Variants in NKTR observed in about 807,000 individuals in gnomAD.
NKTR encodes the protein natural killer cell triggering receptor.
A neutral mutation model predicts 156.3 loss-of-function variants in NKTR; 67 were observed. The observed-to-expected ratio is 0.43, with a 90% CI of 0.35 to 0.53. NKTR has a LOEUF of 0.53. Among genes scored for constraint, NKTR ranks in the 20% least tolerant of loss-of-function variants. NKTR has a pLI of 0.01. For missense variants in NKTR, 1,604 were observed against 1,730.9 expected, an observed-to-expected ratio of 0.93 and a Z score of 1.30; for synonymous variants, 640 against 596.6, an observed-to-expected ratio of 1.07 and a Z score of -1.06.
intron 2 of NKTR, chr3:42,602,659 C>A (rs140136843): frequency 7.0e-6 from 1 of 143,412 alleles, no homozygotes; most frequent in Admixed American, 7.1e-5. Context: ...ATAAGTGTTA[C>A]TAGAAAGCCT....
intron 8 of NKTR, among the ~76,000 whole-genome samples, chr3:42,631,524 AT>A (rs1708897184): frequency 1.3e-5 from 2 of 152,084 alleles, no homozygotes; most frequent in Non-Finnish European, 2.9e-5. Context: ...CACCACCAGT[AT>A]TTTGTGTCTG....
At position 42,638,424 on chromosome 3, in the gene NKTR, C is replaced by G. The variant is rs776273595; in HGVS notation, c.2720C>G (p.Ser907Cys). ...KNSKNDSHPS[S>C]DKEEGEATSD... The stretch of plus-strand genomic sequence containing the variant: ...AGTAAAAATGACTCCCATCCATCCT[C>G]TGACAAGGAAGAAGGTGAGGCCACA... The change falls in exon 13 of 17, where the codon TCT becomes TGT. Residue 907 changes from serine (S) to cysteine (C), a missense_variant. Physicochemically the swap from Ser to Cys is moderately radical, Grantham distance 112 (BLOSUM62 -1). Around this residue, in one of 6 missense-constraint regions of NKTR, gnomAD observed 1,255 missense variants for 1,243.7 expected, o/e 1.01. Coordinates refer to ENST00000232978, the MANE Select transcript of NKTR (RefSeq NM_005385.4). 4 of 1,613,614 alleles carry G rather than the reference C, an allele frequency of 2.5e-6. No homozygotes were observed. Among genetic ancestry groups the G allele is most frequent in the Non-Finnish European group, 2.5e-6 (3 of 1,179,840 alleles).
At position 42,646,681 on chromosome 3, in the gene NKTR, G is replaced by C. The variant is rs756604675; in HGVS notation, c.*706G>C. On this transcript the variant is annotated 3_prime_UTR_variant, in exon 17 of 17. Coordinates refer to ENST00000232978, the MANE Select transcript of NKTR (RefSeq NM_005385.4). ...TTTTATGTTCTTTTTAATCAATACC[G>C]ATCAGAAGTTTAGGTTATAAAAACA... 1 of 152,526 alleles carries C rather than the reference G, an allele frequency of 6.6e-6. No individual in the cohort carries two copies. Among genetic ancestry groups the C allele is most frequent in the African/African-American group, 2.4e-5 (1 of 41,404 alleles). 9.4% of individuals were successfully genotyped at this position (152,526 alleles called of 1,614,324 possible).
At chr3:42,623,772 C>T (rs1282676635) in intron 6 of NKTR, 1 of 152,060 alleles carries the variant, frequency 6.6e-6, no homozygotes, top group East Asian at 1.9e-4. Context: ...ACCTTGTTAC[C>T]ACAGCTCCTC....
In NKTR at chr3:42,638,872, A is replaced by G. The variant is rs1709649703; in HGVS notation, c.3168A>G (p.Leu1056=). 1 of 1,607,918 alleles carries G rather than the reference A, an allele frequency of 6.2e-7. No individual in the cohort carries two copies. Among genetic ancestry groups the G allele is most frequent in the Non-Finnish European group, 8.5e-7 (1 of 1,178,262 alleles). Residue 1056 remains leucine (L), a synonymous_variant, in exon 13 of 17, where the codon CTA becomes CTG. Coordinates refer to ENST00000232978, the MANE Select transcript of NKTR (RefSeq NM_005385.4). ...ENNETIKDNI[L]KTEKSSEEDL... ...ATGAAACCATAAAAGATAATATTCT[A>G]AAAACTGAGAAATCCAGTGAAGAGG...
chr3:42,608,940 A>G (rs1191410971), intron 2 of NKTR, among the ~76,000 whole-genome samples: 2 of 152,156 alleles, frequency 1.3e-5, no homozygotes, highest in African/African-American at 4.8e-5. Context: ...AGCCTGGCCA[A>G]CGTGGTGAAA....
intron 3 of NKTR, among the ~76,000 whole-genome samples, chr3:42,618,249 G>T (rs1340554149): frequency 6.6e-6 from 1 of 151,232 alleles, no homozygotes; most frequent in African/African-American, 2.4e-5. Context: ...TACTCAGGAG[G>T]CTGAGGCAAG....
intron 5 of NKTR, chr3:42,621,146 T>C: frequency 9.9e-7 from 1 of 1,012,888 alleles, no homozygotes; most frequent in Non-Finnish European, 1.2e-6. Flanking sequence ...AATTTAAATA[T>C]CATTTAGCCA....
At chr3:42,636,842 G>A (rs773444553) in intron 12 of NKTR, 26 bp from the exon 13 acceptor site, 28 of 1,526,572 alleles carry the variant, frequency 1.8e-5, no homozygotes, top group Admixed American at 2.3e-5. Context: ...ATAAATCACC[G>A]CATGAATATT....
intron 11 of NKTR, 176 bp downstream of exon 11, chr3:42,634,876 A>G: frequency 1.9e-6 from 1 of 527,910 alleles, no homozygotes; most frequent in South Asian, 3.0e-5. Context: ...CTGTGTTTGA[A>G]TGGGTTTAAT....
At chr3:42,614,091 A>C (rs1198909158) in intron 2 of NKTR, among the ~76,000 whole-genome samples, 2 of 152,200 alleles carry the variant, frequency 1.3e-5, no homozygotes, top group African/African-American at 2.4e-5. Context: ...TACAGTGCCC[A>C]GCCGGTATCA....
chr3:42,600,951 T>C (rs1000773441), intron 1 of NKTR, 33 bp from the exon 2 acceptor site: 7 of 1,135,840 alleles, frequency 6.2e-6, no homozygotes, highest in South Asian at 2.8e-5. Flanking sequence ...CCCTCGCCCC[T>C]GCCCTGACCG....
intron 9 of NKTR, chr3:42,633,257 G>A: frequency 1.5e-6 from 1 of 661,640 alleles, no homozygotes; most frequent in South Asian, 4.0e-5. Context: ...GACCAGGCTG[G>A]TCTCTGACTC....
At position 42,619,015 on chromosome 3, in the gene NKTR, TCCAGGA is replaced by T; in HGVS notation, c.134-4_135del. The stretch of plus-strand genomic sequence containing the variant: ...TTCATTTCTTTTTTTTTTTTTTTTT[TCCAGGA>T]GAGAAAGGCCTTGGGAAAACAACTG... On this transcript the variant is annotated splice_acceptor_variant and splice_polypyrimidine_tract_variant and coding_sequence_variant and intron_variant, in exon 4 of 17. Coordinates refer to ENST00000232978, the MANE Select transcript of NKTR (RefSeq NM_005385.4). LOFTEE classifies it high-confidence loss of function. The T allele has an allele frequency of 1.3e-6, 2 of 1,540,242 alleles. No individual in the cohort carries two copies. The highest frequency in any genetic ancestry group is 1.5e-5 in the African/African-American group (1 of 68,606).
intron 6 of NKTR, 144 bp from the exon 7 acceptor site, chr3:42,630,402 T>C: frequency 2.7e-6 from 4 of 1,470,524 alleles, no homozygotes; most frequent in Non-Finnish European, 3.6e-6. Flanking sequence ...TTTTTAAGGT[T>C]AGATATATAT....
At position 42,639,026 on chromosome 3, in the gene NKTR, A is replaced by C; in HGVS notation, c.3322A>C (p.Ile1108Leu). 1 of 1,614,008 alleles carries C rather than the reference A, an allele frequency of 6.2e-7. No homozygotes were observed. Among genetic ancestry groups the C allele is most frequent in the Non-Finnish European group, 8.5e-7 (1 of 1,179,954 alleles). ...GGAAAATGTGGCCTGTTTACAAAAC[A>C]TTCAGCACGTTGAAGAAAGTGTTCC... ...TEENVACLQN[I>L]QHVEESVPNG... The change falls in exon 13 of 17, where the codon ATT (isoleucine) becomes CTT (leucine). Residue 1108 changes from isoleucine (I) to leucine (L), a missense_variant. Around this residue, in one of 6 missense-constraint regions of NKTR, gnomAD observed 1,255 missense variants for 1,243.7 expected, o/e 1.01. Coordinates refer to ENST00000232978, the MANE Select transcript of NKTR (RefSeq NM_005385.4).
chr3:42,614,870 C>T (rs1707191129), intron 2 of NKTR, among the ~76,000 whole-genome samples: 1 of 151,934 alleles, frequency 6.6e-6, no homozygotes, highest in Non-Finnish European at 1.5e-5. Flanking sequence ...AATTATTTTT[C>T]TTATGTGCCA....
intron 6 of NKTR, chr3:42,627,796 C>A: frequency 1.0e-6 from 1 of 984,618 alleles, no homozygotes; most frequent in Non-Finnish European, 1.2e-6. Context: ...TAAATTTAAA[C>A]ATTTTTGATA....
intron 2 of NKTR, chr3:42,603,173 C>T (rs1274960917): frequency 6.6e-6 from 1 of 151,638 alleles, no homozygotes; most frequent in Non-Finnish European, 1.5e-5. Context: ...TGAGACCAGC[C>T]TGGGCAATAT....
Sources: gnomAD v4.1 joint callset for allele counts (sites outside exome capture counted in the v4.1 genomes callset) on GRCh38, gnomAD v4.1.1 for gene constraint, gnomAD v4.1.1 regional missense constraint, MANE v1.5 for transcripts, NCBI Gene and HGNC (gene_info 2026-07-23, HGNC 2026-07-21) for gene names.